LRRC36: variants seen among roughly 807,000 people sequenced by gnomAD.
LRRC36 encodes leucine-rich repeat-containing protein 36.
LRRC36 carries 62 observed loss-of-function variants against 81.1 expected under a neutral mutation model. The observed-to-expected ratio is 0.76, with a 90% CI of 0.62 to 0.94. The LOEUF is 0.94. Among genes scored for constraint, LRRC36 ranks in the 40% least tolerant of loss-of-function variants. LRRC36 has a pLI of 0.00. For synonymous variants in LRRC36, 334 were observed against 348.6 expected, an observed-to-expected ratio of 0.96 and a Z score of 0.47; for missense variants, 761 against 881.7, an observed-to-expected ratio of 0.86 and a Z score of 1.73.
At position 67,378,682 on chromosome 16, in the gene LRRC36, A is replaced by G. The variant is rs375432887; in HGVS notation, c.1900A>G (p.Ile634Val). The change falls in exon 12 of 14, where the codon ATT becomes GTT. Residue 634 changes from isoleucine (I) to valine (V), a missense_variant. Coordinates refer to ENST00000329956, the MANE Select transcript of LRRC36 (RefSeq NM_018296.6). Reference protein sequence around the residue: ...QQLEEGAAISIVSGQQSHTYD... With the variant: ...QQLEEGAAISVVSGQQSHTYD... ...GTTGGAGGAAGGTGCTGCCATCTCA[A>G]TTGTGAGTGGGCAACAGTCACATAC... The G allele has an allele frequency of 1.8e-4, 285 of 1,613,986 alleles. No individual in the cohort carries two copies. The highest frequency in any genetic ancestry group is 2.3e-4 in the Non-Finnish European group (267 of 1,179,974).
At chr16:67,334,407 C>G (rs967673751) in intron 1 of LRRC36, among the ~76,000 whole-genome samples, 1 of 152,048 alleles carries the variant, frequency 6.6e-6, no homozygotes, top group Admixed American at 6.5e-5. Flanking sequence ...TCACAGCAAC[C>G]TCCGCCTCCT....
intron 5 of LRRC36, among the ~76,000 whole-genome samples, chr16:67,362,614 C>CA (rs2039206191): frequency 6.6e-6 from 1 of 151,842 alleles, no homozygotes; most frequent in Admixed American, 6.6e-5. Flanking sequence ...GTGTGGTAAC[C>CA]AAAAAACAAG....
At chr16:67,382,331 C>T in intron 13 of LRRC36, 84 bp downstream of exon 13, 1 of 943,704 alleles carries the variant, frequency 1.1e-6, no homozygotes, top group East Asian at 2.6e-5. Context: ...AAGTTAATAT[C>T]TATGCACTTT....
intron 7 of LRRC36, among the ~76,000 whole-genome samples, chr16:67,365,954 T>C (rs902252659): frequency 4.6e-5 from 7 of 152,184 alleles, no homozygotes; most frequent in African/African-American, 1.7e-4. Context: ...CTTCCCAGGC[T>C]TCCCTTCTGA....
At chr16:67,372,772 G>T (rs1597494271) in intron 9 of LRRC36, among the ~76,000 whole-genome samples, 1 of 152,150 alleles carries the variant, frequency 6.6e-6, no homozygotes, top group East Asian at 1.9e-4. Flanking sequence ...TGTTTGTTTG[G>T]AGTGTTTTTT....
chr16:67,352,664 T>C (rs2038706175), intron 5 of LRRC36, among the ~76,000 whole-genome samples: 1 of 149,562 alleles, frequency 6.7e-6, no homozygotes, highest in South Asian at 2.1e-4. Context: ...TTTATTTATT[T>C]ATTTATTTAT....
chr16:67,327,035 C>A, intron 1 of LRRC36, 103 bp downstream of exon 1: 8 of 1,172,740 alleles, frequency 6.8e-6, no homozygotes, highest in Non-Finnish European at 1.1e-6. Context: ...GGCGAGGGAA[C>A]CACAGAGAAG....
At chr16:67,349,238 G>T (rs2038501375) in intron 4 of LRRC36, among the ~76,000 whole-genome samples, 1 of 151,452 alleles carries the variant, frequency 6.6e-6, no homozygotes, top group Non-Finnish European at 1.5e-5. Context: ...TGCAAAACTG[G>T]AGGAAAAATG....
At chr16:67,362,225 C>T (rs552029073) in intron 5 of LRRC36, 11 of 451,400 alleles carry the variant, frequency 2.4e-5, no homozygotes, top group South Asian at 6.2e-5. Context: ...TGCTGTGGCG[C>T]GATCTCGGCT....
At position 67,367,078 on chromosome 16, in the gene LRRC36, A is replaced by AGG. The variant is rs2039431480; in HGVS notation, c.818_819dup (p.Tyr274GlyfsTer20). 1 of 1,614,182 alleles carries AGG rather than the reference A, an allele frequency of 6.2e-7. No individual in the cohort carries two copies. The highest frequency in any genetic ancestry group is 2.2e-5 in the East Asian group (1 of 44,876). ...GATCCCCAGAGAAGATGACTAGAGAAGGGTACCAAGTATCTTTTTTGGACA... is the reference window on the plus strand; with the variant it reads ...GATCCCCAGAGAAGATGACTAGAGAAGGGGGTACCAAGTATCTTTTTTGGACA... On this transcript the variant is annotated frameshift_variant, in exon 8 of 14. Coordinates refer to ENST00000329956, the MANE Select transcript of LRRC36 (RefSeq NM_018296.6). LOFTEE classifies it high-confidence loss of function.
At chr16:67,383,071 CAAAAAAAAAAAAAAAAA>C (rs59297593) in intron 13 of LRRC36, among the ~76,000 whole-genome samples, 3 of 44,366 alleles carry the variant, frequency 6.8e-5, no homozygotes, top group African/African-American at 1.7e-4. Flanking sequence ...GGCTCCGTCT[CAAAAAAAAAAAAAAAAA>C]AAAAAAAAGC....
intron 8 of LRRC36, among the ~76,000 whole-genome samples, chr16:67,370,415 G>A (rs542527998): frequency 1.3e-5 from 2 of 152,282 alleles, no homozygotes; most frequent in Non-Finnish European, 2.9e-5. Flanking sequence ...GCCAAGGCCA[G>A]CAGATCACTT....
intron 1 of LRRC36, among the ~76,000 whole-genome samples, chr16:67,335,678 T>C (rs2037724004): frequency 6.6e-6 from 1 of 152,060 alleles, no homozygotes; most frequent in African/African-American, 2.4e-5. Context: ...CTGCCATGGC[T>C]TCAGCTGGTC....
chr16:67,343,417 C>T (rs982913711), intron 2 of LRRC36, among the ~76,000 whole-genome samples: 4 of 152,014 alleles, frequency 2.6e-5, no homozygotes, highest in Non-Finnish European at 5.9e-5. Flanking sequence ...ATCAAGTTGT[C>T]TGGTCACGGT....
chr16:67,357,862 C>T (rs2038968990), intron 5 of LRRC36, among the ~76,000 whole-genome samples: 1 of 152,200 alleles, frequency 6.6e-6, no homozygotes, highest in Admixed American at 6.5e-5. Context: ...GTAGAAGTAG[C>T]TATTAGTTAC....
chr16:67,337,709 T>C (rs561446321), intron 1 of LRRC36, among the ~76,000 whole-genome samples: 1 of 152,314 alleles, frequency 6.6e-6, no homozygotes, highest in East Asian at 1.9e-4. Flanking sequence ...CAATTTTTTT[T>C]CTTTTCTAAT....
chr16:67,381,621 A>ATT (rs34896142), intron 12 of LRRC36, among the ~76,000 whole-genome samples: 2 of 149,118 alleles, frequency 1.3e-5, no homozygotes, highest in East Asian at 3.9e-4. Context: ...CATGTGCAAT[A>ATT]TTTTTTTTTT....
At chr16:67,330,311 T>A (rs1453572499) in intron 1 of LRRC36, among the ~76,000 whole-genome samples, 1 of 152,222 alleles carries the variant, frequency 6.6e-6, no homozygotes, top group Non-Finnish European at 1.5e-5. Flanking sequence ...TCATTAGGGA[T>A]TGCAAAATGG....
chr16:67,381,084 C>T (rs1308954847), intron 12 of LRRC36, among the ~76,000 whole-genome samples: 2 of 151,810 alleles, frequency 1.3e-5, no homozygotes, highest in African/African-American at 4.8e-5. Flanking sequence ...ATTAGCAGGG[C>T]GTGGTGGCAT....
Sources: gnomAD v4.1 joint callset for allele counts (sites outside exome capture counted in the v4.1 genomes callset) on GRCh38, gnomAD v4.1.1 for gene constraint, MANE v1.5 for transcripts, NCBI Gene and HGNC (gene_info 2026-07-23, HGNC 2026-07-21) for gene names.